Variants in SLIT2 observed in about 807,000 individuals in gnomAD.
SLIT2 encodes the protein slit guidance ligand 2.
Under a neutral mutation model 185.7 loss-of-function variants are expected in SLIT2, and 41 were observed. The observed-to-expected ratio is 0.22, with a 90% CI of 0.17 to 0.29. SLIT2 has a LOEUF of 0.29. Ranked by LOEUF, SLIT2 falls within the 10% of genes least tolerant of loss-of-function variation. The pLI is 1.00. For missense variants in SLIT2, 1,571 were observed against 1,909.0 expected, an observed-to-expected ratio of 0.82 and a Z score of 3.30; for synonymous variants, 693 against 680.2, an observed-to-expected ratio of 1.02 and a Z score of -0.29.
chr4:20,618,983 T>C lies in SLIT2; in HGVS notation c.4564T>C (p.Cys1522Arg), dbSNP rs1191148687. The C allele has an allele frequency of 6.2e-7, 1 of 1,613,834 alleles. No homozygotes were observed. Among genetic ancestry groups the C allele is most frequent in the Non-Finnish European group, 8.5e-7 (1 of 1,179,926 alleles). ...FVDEVEKVVK[C>R]GCTRCVS is the part of the protein sequence containing the mutation. ...GGACGAGGTTGAGAAAGTGGTGAAG[T>C]GCGGCTGTACGAGGTGTGTGTCCTA... The change falls in exon 37 of 37, where the codon TGC (cysteine) becomes CGC (arginine). Residue 1522 changes from cysteine (C) to arginine (R), a missense_variant. Cys to Arg is a radical substitution (Grantham distance 180). This residue lies in a region of SLIT2 where 223 missense variants were observed against 245.2 expected (regional missense o/e 0.91). Transcript: ENST00000504154.
rs945690137 is a variant in SLIT2 at position 20,252,731 on chromosome 4, T to A, written c.-1085T>A. The stretch of plus-strand genomic sequence containing the variant: ...ACACTACTGCCATTCAGCTGCCGCC[T>A]GGCTCTGCCTGGAGTAGTGGATCCC... On this transcript the variant is annotated 5_prime_UTR_variant, in exon 1 of 37. Transcript: ENST00000504154. Among the ~76,000 whole-genome samples the A allele has an allele frequency of 2.6e-5, 4 of 152,234 alleles. No homozygotes were observed. Among genetic ancestry groups the A allele is most frequent in the African/African-American group, 9.6e-5 (4 of 41,472 alleles).
intron 4 of SLIT2, among the ~76,000 whole-genome samples, chr4:20,345,436 A>G (rs1721305308): frequency 6.6e-6 from 1 of 151,680 alleles, no homozygotes; most frequent in South Asian, 2.1e-4. Flanking sequence ...AAACCCTGCT[A>G]TTCACTAATG....
intron 5 of SLIT2, among the ~76,000 whole-genome samples, chr4:20,472,570 A>ATCTATATATCGATATATC (rs1231090636): frequency 4.4e-5 from 1 of 22,926 alleles, no homozygotes; most frequent in African/African-American, 3.8e-4. Context: ...ATATCTATAT[A>ATCTATATATCGATATATC]TAGATATATC....
chr4:20,372,155 T>C lies in SLIT2; in HGVS notation c.396-95597T>C, dbSNP rs150073514. Among the ~76,000 whole-genome samples the C allele has an allele frequency of 3.8e-3, 581 of 152,270 alleles. 1 individual carries two copies. The highest frequency in any genetic ancestry group is 0.012 in the African/African-American group (494 of 41,584). ...GTACGACACATTATGCCAGTTGTTTTTGAAGCCTTGATTTCATTTAATTCT... is the reference window on the plus strand; with the variant it reads ...GTACGACACATTATGCCAGTTGTTTCTGAAGCCTTGATTTCATTTAATTCT... On this transcript the variant is annotated intron_variant, in intron 4 of 36. Coordinates refer to ENST00000504154, the MANE Select transcript of SLIT2 (RefSeq NM_004787.4).
In SLIT2 at chr4:20,254,063, C is replaced by T; in HGVS notation, c.179+69C>T. The T allele has an allele frequency of 4.7e-6, 7 of 1,485,622 alleles. No homozygotes were observed. Among genetic ancestry groups the T allele is most frequent in the Non-Finnish European group, 6.4e-6 (7 of 1,091,290 alleles). 92.0% of individuals were successfully genotyped at this position (1,485,622 alleles called of 1,614,324 possible). A position where few individuals can be genotyped will look rare whatever the true frequency, so the allele number is the denominator to read the frequency against. ...CGCACCCCTGCCTCCACTGGAGGAA[C>T]CTGTCAGCTCAGGGTCCTGTGCCTG... On this transcript the variant is annotated intron_variant, in intron 1 of 36. Transcript: ENST00000504154. This position sits in a 1 kb window ranked among gnomAD's most constrained non-coding sequence, Gnocchi z 5.1.
At chr4:20,564,226 G>T (rs1724915671) in intron 26 of SLIT2, among the ~76,000 whole-genome samples, 1 of 151,760 alleles carries the variant, frequency 6.6e-6, no homozygotes, top group South Asian at 2.1e-4. Flanking sequence ...TGAATCACAA[G>T]TTGAATGCAA....
chr4:20,486,066 G>A, intron 6 of SLIT2, 134 bp from the exon 7 acceptor site: 1 of 648,130 alleles, frequency 1.5e-6, no homozygotes, highest in South Asian at 1.8e-5. Flanking sequence ...ATAGAGTAGT[G>A]CATTCTCTAT....
chr4:20,472,514 A>ATATC (rs1491233086), intron 5 of SLIT2, among the ~76,000 whole-genome samples: 4 of 29,194 alleles, frequency 1.4e-4, no homozygotes, highest in Non-Finnish European at 2.1e-4. Context: ...ATATATAGAT[A>ATATC]GATATATATC....
chr4:20,389,420 A>G lies in SLIT2; in HGVS notation c.396-78332A>G, dbSNP rs528233490. Among the ~76,000 whole-genome samples the G allele has an allele frequency of 5.7e-4, 86 of 152,188 alleles. No individual in the cohort carries two copies. The South Asian group carries it at 0.014, about 25-fold the overall frequency. ...TACGCCAGGAGTTGTTCTTTCTGAC[A>G]TGATAACTAGATAGAGTGGCTATCT... is the stretch of plus-strand genomic sequence containing the variant. On this transcript the variant is annotated intron_variant, in intron 4 of 36. Transcript: ENST00000504154.
chr4:20,309,233 G>T (rs1717852620), intron 4 of SLIT2, among the ~76,000 whole-genome samples: 2 of 151,996 alleles, frequency 1.3e-5, no homozygotes, highest in Admixed American at 1.3e-4. Context: ...TTATTTTTAT[G>T]TATTTCACAA....
chr4:20,360,891 G>C (rs562790983), intron 4 of SLIT2, among the ~76,000 whole-genome samples: 3 of 152,098 alleles, frequency 2.0e-5, no homozygotes, highest in Non-Finnish European at 4.4e-5. Context: ...AAGTCAACCT[G>C]TGACTTACCC....
intron 26 of SLIT2, chr4:20,554,446 C>A (rs1724061638): frequency 2.6e-6 from 1 of 385,218 alleles, no homozygotes; most frequent in Non-Finnish European, 5.4e-6. Flanking sequence ...TTGTTTGTAT[C>A]CCTTTCTTTT....
chr4:20,376,128 T>TC (rs1723999994), intron 4 of SLIT2, among the ~76,000 whole-genome samples: 1 of 147,368 alleles, frequency 6.8e-6, no homozygotes, highest in African/African-American at 2.5e-5. Context: ...TTTTTTTTTT[T>TC]TTTTTTTTTT....
intron 4 of SLIT2, among the ~76,000 whole-genome samples, chr4:20,465,528 G>A (rs1714238385): frequency 6.6e-6 from 1 of 152,114 alleles, no homozygotes. Flanking sequence ...TGTGGCCTGT[G>A]GAGCCATCTA....
chr4:20,488,861 C>T lies in SLIT2; in HGVS notation c.654C>T (p.Ala218=). Residue 218 remains alanine, a synonymous_variant, in exon 8 of 37, where the codon GCC becomes GCT. Transcript: ENST00000504154. Reference sequence around the variant, plus strand: ...ACCTGTATTGTGACTGCCACCTGGCCTGGCTCTCCGACTGGCTTCGCCAAA... The same window carrying T: ...ACCTGTATTGTGACTGCCACCTGGCTTGGCTCTCCGACTGGCTTCGCCAAA... ...SNNLYCDCHL[A]WLSDWLRQRP... is the part of the protein sequence containing the mutation. The T allele has an allele frequency of 1.9e-6, 3 of 1,611,360 alleles. No individual in the cohort carries two copies. The highest frequency in any genetic ancestry group is 2.5e-6 in the Non-Finnish European group (3 of 1,177,886).
chr4:20,542,387 T>C, intron 20 of SLIT2, 107 bp from the exon 21 acceptor site: 1 of 1,034,096 alleles, frequency 9.7e-7, no homozygotes, highest in Admixed American at 2.0e-5. Context: ...AATGATTATG[T>C]AGCTTAAGAC....
At chr4:20,586,459 G>A (rs1177886227) in intron 29 of SLIT2, among the ~76,000 whole-genome samples, 1 of 152,014 alleles carries the variant, frequency 6.6e-6, no homozygotes, top group South Asian at 2.1e-4. Context: ...AAACACAAAA[G>A]CAAATGTGGC....
At chr4:20,524,309 A>G in intron 14 of SLIT2, 132 bp downstream of exon 14, 1 of 781,712 alleles carries the variant, frequency 1.3e-6, no homozygotes, top group Non-Finnish European at 2.0e-6. Flanking sequence ...CCCATGAATA[A>G]TAAAATAAAG....
chr4:20,581,678 C>A (rs973462068), intron 29 of SLIT2, among the ~76,000 whole-genome samples: 13 of 152,142 alleles, frequency 8.5e-5, no homozygotes, highest in Non-Finnish European at 1.8e-4. Flanking sequence ...GTGGTCACCT[C>A]TCATGTGCAC....
Sources: gnomAD v4.1 joint callset for allele counts (sites outside exome capture counted in the v4.1 genomes callset) on GRCh38, gnomAD v4.1.1 for gene constraint, gnomAD v4.1.1 regional missense constraint, Gnocchi (gnomAD v3.1) non-coding constraint, MANE v1.5 for transcripts, NCBI Gene and HGNC (gene_info 2026-07-23, HGNC 2026-07-21) for gene names.